Variants in PRDM10 observed in about 807,000 individuals in gnomAD.
PRDM10 encodes PR/SET domain 10.
PRDM10 carries 65 observed loss-of-function variants against 133.1 expected under a neutral mutation model. The observed-to-expected ratio is 0.49, with a 90% CI of 0.40 to 0.60. The LOEUF is 0.60. PRDM10 is among the 20% of genes least tolerant of loss of function. PRDM10 has a pLI of 0.00. For missense variants in PRDM10, 1,137 were observed against 1,507.1 expected (o/e 0.75, Z 4.07); for synonymous variants, 582 against 580.4 (o/e 1.00, Z -0.04).
intron 20 of PRDM10, among the ~76,000 whole-genome samples, chr11:129,904,120 T>G (rs1238151656): frequency 3.5e-5 from 5 of 142,480 alleles, no homozygotes; most frequent in African/African-American, 1.1e-4. Context: ...TAATGTGACC[T>G]CGTGTGCTGA....
At chr11:129,934,919 G>A (rs922824412) in intron 9 of PRDM10, among the ~76,000 whole-genome samples, 182 bp downstream of exon 9, 30 of 152,310 alleles carry the variant, frequency 2.0e-4, no homozygotes, top group Middle Eastern at 6.8e-3. Context: ...TGGAAAAGAT[G>A]GATAATAGTA....
At chr11:129,964,145 A>G (rs1255008679) in intron 1 of PRDM10, among the ~76,000 whole-genome samples, 2 of 152,148 alleles carry the variant, frequency 1.3e-5, no homozygotes, top group African/African-American at 4.8e-5. Context: ...TGTTTCCTTC[A>G]GCTTGGCTCA....
intron 7 of PRDM10, among the ~76,000 whole-genome samples, chr11:129,938,728 T>C (rs1951113465): frequency 6.6e-6 from 1 of 152,156 alleles, no homozygotes; most frequent in African/African-American, 2.4e-5. Flanking sequence ...CATGTATCAA[T>C]AAAAAGAACA....
At chr11:129,948,460 T>C (rs1004780914) in intron 4 of PRDM10, among the ~76,000 whole-genome samples, 2 of 152,194 alleles carry the variant, frequency 1.3e-5, no homozygotes, top group Non-Finnish European at 2.9e-5. Context: ...CCTCCAGCCC[T>C]CCCTGAGTCT....
At chr11:129,996,130 G>C (rs1939052977) in intron 1 of PRDM10, among the ~76,000 whole-genome samples, 1 of 152,194 alleles carries the variant, frequency 6.6e-6, no homozygotes, top group East Asian at 1.9e-4. Context: ...CAGAAATTTA[G>C]AATCTGTTTG....
At chr11:129,951,568 A>T (rs1050788864) in intron 4 of PRDM10, among the ~76,000 whole-genome samples, 2 of 152,234 alleles carry the variant, frequency 1.3e-5, no homozygotes, top group African/African-American at 4.8e-5. Context: ...AACTTACGGT[A>T]TACTTTCTCC....
In PRDM10 at chr11:129,945,898, G is replaced by T. The variant is rs771104598; in HGVS notation, c.521-886C>A. Reference sequence around the variant, plus strand: ...AGCTACTTTGTATTAATATTTTAAAGATAAAGTGATTTTCTGTGCATTTGA... The same window carrying T: ...AGCTACTTTGTATTAATATTTTAAATATAAAGTGATTTTCTGTGCATTTGA... On this transcript the variant is annotated intron_variant, in intron 5 of 20. Transcript: ENST00000360871. The surrounding 1 kb of genome is among the most constrained non-coding windows in gnomAD (Gnocchi z 4.2). 3.9e-5 allele frequency among the ~76,000 whole-genome samples: 6 copies of T among 152,138 alleles called. No individual in the cohort carries two copies. Among genetic ancestry groups the T allele is most frequent in the Admixed American group, 2.0e-4 (3 of 15,268 alleles).
chr11:129,907,000 AAAG>A (rs1027769058), intron 19 of PRDM10, among the ~76,000 whole-genome samples: 4 of 151,948 alleles, frequency 2.6e-5, no homozygotes, highest in South Asian at 4.2e-4. Flanking sequence ...AAAAAAAAAA[AAAG>A]AATATCACGA....
chr11:129,964,153 T>A (rs1028317957), intron 1 of PRDM10, among the ~76,000 whole-genome samples: 1 of 152,180 alleles, frequency 6.6e-6, no homozygotes. Context: ...TCAGCTTGGC[T>A]CACTGATGGC....
chr11:129,913,924 A>ATAAGAATGAG (rs1160530921), intron 17 of PRDM10, among the ~76,000 whole-genome samples: 1 of 152,214 alleles, frequency 6.6e-6, no homozygotes, highest in Non-Finnish European at 1.5e-5. Context: ...TCCTTAGTCA[A>ATAAGAATGAG]TAAGAATGAG....
chr11:129,941,549 G>C (rs1951205731), intron 7 of PRDM10, among the ~76,000 whole-genome samples: 1 of 152,202 alleles, frequency 6.6e-6, no homozygotes, highest in South Asian at 2.1e-4. Context: ...CTCCGTCACA[G>C]ATATACACGC....
chr11:129,941,485 ATC>A (rs1346178200), intron 7 of PRDM10, among the ~76,000 whole-genome samples: 3 of 152,244 alleles, frequency 2.0e-5, no homozygotes, highest in Admixed American at 1.3e-4. Flanking sequence ...ACATCTAAAC[ATC>A]TGTTTCCCAA....
intron 1 of PRDM10, among the ~76,000 whole-genome samples, chr11:129,987,584 C>T (rs771919893): frequency 7.2e-5 from 11 of 152,174 alleles, no homozygotes; most frequent in Non-Finnish European, 1.5e-4. Context: ...AAGACTTGTA[C>T]ATGAATGCTC....
Position 129,912,218 on chromosome 11 carries a change from G to T in PRDM10, c.2849C>A (p.Ser950Tyr). ...LQVVQVASAT[S>Y]PHQSQQSTVD... ...AGTGGACTGCTGTGACTGGTGAGGG[G>T]AAGTGGCCTGGAAGGAGAAAAAACA... Residue 950 changes from serine to tyrosine, a missense_variant, in exon 18 of 21, where the codon TCC becomes TAC. Physicochemically the swap from Ser to Tyr is moderately radical, Grantham distance 144 (BLOSUM62 -2). Coordinates refer to ENST00000360871, the MANE Select transcript of PRDM10 (RefSeq NM_199437.2). The T allele has an allele frequency of 6.3e-7, 1 of 1,586,626 alleles. No individual in the cohort carries two copies. The highest frequency in any genetic ancestry group is 8.6e-7 in the Non-Finnish European group (1 of 1,163,536).
intron 11 of PRDM10, among the ~76,000 whole-genome samples, chr11:129,925,863 G>A (rs915978035): frequency 2.6e-5 from 4 of 152,282 alleles, no homozygotes; most frequent in African/African-American, 9.6e-5. Flanking sequence ...ATTAGAGAGT[G>A]GTGAAGATTG....
chr11:129,986,629 TCCACC>T (rs1465138359), intron 1 of PRDM10, among the ~76,000 whole-genome samples: 8 of 152,186 alleles, frequency 5.3e-5, no homozygotes, highest in Non-Finnish European at 1.0e-4. Flanking sequence ...GCTCAAGCGA[TCCACC>T]TGCCTAGGTC....
intron 13 of PRDM10, among the ~76,000 whole-genome samples, chr11:129,922,439 G>A (rs56288888): frequency 0.082 from 12,510 of 152,148 alleles, 574 homozygotes; most frequent in Admixed American, 0.13. Flanking sequence ...TATATTCAAA[G>A]CCATTAAATT....
chr11:129,909,415 A>C (rs925084047), intron 19 of PRDM10, among the ~76,000 whole-genome samples: 1 of 151,448 alleles, frequency 6.6e-6, no homozygotes, highest in African/African-American at 2.4e-5. Flanking sequence ...GTGCCACTGC[A>C]CTCCAGCCTG....
intron 20 of PRDM10, 151 bp from the exon 21 acceptor site, chr11:129,902,667 G>T: frequency 7.6e-7 from 1 of 1,323,724 alleles, no homozygotes; most frequent in Non-Finnish European, 1.0e-6. Flanking sequence ...TAGAGAGGGT[G>T]GATCAGTCAC....
Sources: allele counts gnomAD v4.1 joint callset (sites outside exome capture counted in the v4.1 genomes callset), GRCh38; gene constraint gnomAD v4.1.1; non-coding constraint Gnocchi (gnomAD v3.1); transcripts MANE v1.5; gene names NCBI Gene and HGNC (gene_info 2026-07-23, HGNC 2026-07-21).